Variants in IFIH1 observed in about 807,000 individuals in gnomAD.
IFIH1 encodes the protein interferon-induced helicase C domain-containing protein 1.
In IFIH1, 125 loss-of-function variants were observed where a neutral mutation model predicts 107.4. The ratio of observed to expected loss-of-function variants is 1.16; its 90% CI spans 1.01 to 1.35. IFIH1 has a LOEUF of 1.35. Ranked by LOEUF, IFIH1 falls within the 40% of genes most tolerant of loss-of-function variation. The pLI is 0.00. For missense variants in IFIH1, 1,333 were observed against 1,213.7 expected (o/e 1.10, Z -1.46); for synonymous variants, 458 against 413.2 (o/e 1.11, Z -1.31).
chr2:162,281,948 A>G (rs1682817365), intron 6 of IFIH1, among the ~76,000 whole-genome samples: 1 of 152,008 alleles, frequency 6.6e-6, no homozygotes, highest in Admixed American at 6.6e-5. Context: ...CTATTTAAAG[A>G]GGGAAAATTT....
chr2:162,307,079 G>C, intron 2 of IFIH1: 8 of 434,982 alleles, frequency 1.8e-5, no homozygotes, highest in Non-Finnish European at 3.3e-5. Flanking sequence ...ACAAAATGGA[G>C]AGCCCGCAAT....
At chr2:162,280,480 AT>A (rs1158012775) in intron 7 of IFIH1, among the ~76,000 whole-genome samples, 2 of 152,048 alleles carry the variant, frequency 1.3e-5, no homozygotes, top group African/African-American at 4.8e-5. Context: ...ACAGAGAATG[AT>A]TTTGAGATAA....
rs1576227064 is a variant in IFIH1, at chr2:162,282,370, C to T, written c.1302G>A (p.Leu434=). The T allele has an allele frequency of 6.2e-7, 1 of 1,603,884 alleles. No individual in the cohort carries two copies. The highest frequency in any genetic ancestry group is 8.5e-7 in the Non-Finnish European group (1 of 1,172,782). The change falls in exon 6 of 16, where the codon TTG becomes TTA. Residue 434 remains leucine, a synonymous_variant. Transcript: ENST00000649979. ...LENGEDAGVQ[L]SDFSLIIIDE... is the part of the protein sequence containing the mutation. ...AAAATAAACACTTAAACTGACCTGA[C>T]AATTGAACACCAGCATCTTCTCCAT...
rs184259770 is a variant in IFIH1 at position 162,273,828 on chromosome 2, A to C, written c.2421T>G (p.Tyr807Ter). 8 of 1,607,976 alleles carry C rather than the reference A, an allele frequency of 5.0e-6. No homozygotes were observed. In the East Asian group the frequency reaches 1.8e-4, roughly 36 times the overall value. The change falls in exon 12 of 16, where the codon TAT (tyrosine) becomes TAG (stop). Residue 807 changes from tyrosine (Y) to a stop codon, truncating the protein, a stop_gained. Transcript: ENST00000649979. LOFTEE classifies it high-confidence loss of function. ...TGGCTATTTCATTGGTGACGAGACC[A>C]TAACGGATAACAATGTTACATTCTT... Reference protein sequence around the residue: ...DIKECNIVIRYGLVTNEIAMV... With the variant: ...DIKECNIVIR
chr2:162,274,590 A>G (rs1691115026), intron 11 of IFIH1, among the ~76,000 whole-genome samples: 1 of 152,182 alleles, frequency 6.6e-6, no homozygotes, highest in Admixed American at 6.6e-5. Context: ...GACAATATAA[A>G]TAAAAATGAA....
chr2:162,293,581 G>C lies in IFIH1; in HGVS notation c.857C>G (p.Thr286Ser). 6.2e-7 allele frequency: 1 copy of C among 1,609,464 alleles called. No homozygotes were observed. The highest frequency in any genetic ancestry group is 8.5e-7 in the Non-Finnish European group (1 of 1,176,544). The change falls in exon 4 of 16, where the codon ACC becomes AGC. Residue 286 changes from threonine (T) to serine (S), a missense_variant. Thr to Ser is a moderately conservative substitution (Grantham distance 58). Coordinates refer to ENST00000649979, the MANE Select transcript of IFIH1 (RefSeq NM_022168.4). ...HNSNMGSDSG[T>S]MGSDSDEENV... ...GGCAGTACCTGAATCACTTCCCATG[G>C]TGCCTGAATCACTGCCCATGTTGCT...
intron 8 of IFIH1, 61 bp from the exon 9 acceptor site, chr2:162,278,389 T>C: frequency 1.2e-6 from 1 of 866,540 alleles, no homozygotes; most frequent in Non-Finnish European, 1.7e-6. Flanking sequence ...TAACATTATC[T>C]TTGTTAGAAT....
At chr2:162,287,946 T>C (rs1406741860) in intron 5 of IFIH1, among the ~76,000 whole-genome samples, 189 bp downstream of exon 5, 1 of 151,994 alleles carries the variant, frequency 6.6e-6, no homozygotes, top group Non-Finnish European at 1.5e-5. Context: ...GAAAAATTTC[T>C]ATTTTCAGGT....
At chr2:162,302,894 A>G (rs151207259) in intron 3 of IFIH1, among the ~76,000 whole-genome samples, 1 of 152,210 alleles carries the variant, frequency 6.6e-6, no homozygotes, top group Non-Finnish European at 1.5e-5. Context: ...TCCAGATATC[A>G]TAAAGAACCT....
intron 3 of IFIH1, among the ~76,000 whole-genome samples, chr2:162,297,087 T>C (rs181148487): frequency 6.6e-6 from 1 of 152,170 alleles, no homozygotes; most frequent in Admixed American, 6.6e-5. Flanking sequence ...TTTCTTATAA[T>C]AGGGAGAATG....
At chr2:162,292,240 A>G (rs929356201) in intron 4 of IFIH1, among the ~76,000 whole-genome samples, 2 of 151,922 alleles carry the variant, frequency 1.3e-5, no homozygotes, top group African/African-American at 4.8e-5. Context: ...GTTCTAGCAT[A>G]GCATGTAATA....
chr2:162,277,412 TACCAAAA>T lies in IFIH1; in HGVS notation c.2040_2044+2del. ...CACCAGTATATGTTACTTTGAATCTTACCAAAAAATAAAGTCATGAGAAATCTATCTG... is the reference window on the plus strand; with the variant it reads ...CACCAGTATATGTTACTTTGAATCTTAATAAAGTCATGAGAAATCTATCTG... On this transcript the variant is annotated splice_donor_variant and coding_sequence_variant, in exon 10 of 16. Coordinates refer to ENST00000649979, the MANE Select transcript of IFIH1 (RefSeq NM_022168.4). LOFTEE classifies it high-confidence loss of function. 6.2e-7 allele frequency: 1 copy of T among 1,601,478 alleles called. No individual in the cohort carries two copies. Among genetic ancestry groups the T allele is most frequent in the Non-Finnish European group, 8.5e-7 (1 of 1,170,388 alleles).
At chr2:162,291,256 T>G (rs1291453271) in intron 4 of IFIH1, among the ~76,000 whole-genome samples, 1 of 151,874 alleles carries the variant, frequency 6.6e-6, no homozygotes, top group Non-Finnish European at 1.5e-5. Flanking sequence ...CACATTGATT[T>G]TGACAGCTGA....
At chr2:162,288,917 G>GCACA (rs3051152) in intron 4 of IFIH1, among the ~76,000 whole-genome samples, 11,747 of 135,290 alleles carry the variant, frequency 0.087, 480 homozygotes, top group African/African-American at 0.095. Context: ...ATACCAAAAA[G>GCACA]CACACACACA....
chr2:162,317,856 C>G lies in IFIH1; in HGVS notation c.452G>C (p.Arg151Pro). Residue 151 changes from arginine to proline, a missense_variant and splice_region_variant, in exon 1 of 16, where the codon CGG (arginine) becomes CCG (proline). By Grantham distance (103) the Arg-to-Pro change is moderately radical (BLOSUM62 -2). Coordinates refer to ENST00000649979, the MANE Select transcript of IFIH1 (RefSeq NM_022168.4). The part of the protein sequence containing the change: ...EELLTIEDRN[R>P]IAAAENNGNE... Reference sequence around the variant, plus strand: ...AGCTCCATCTGAACAGACACCTACCCGGTTTCTGTCTTCAATTGTCAACAG... The same window carrying G: ...AGCTCCATCTGAACAGACACCTACCGGGTTTCTGTCTTCAATTGTCAACAG... The G allele has an allele frequency of 1.3e-6, 2 of 1,567,846 alleles. No homozygotes were observed. Among genetic ancestry groups the G allele is most frequent in the Non-Finnish European group, 1.7e-6 (2 of 1,158,238 alleles).
intron 13 of IFIH1, among the ~76,000 whole-genome samples, chr2:162,270,553 G>A (rs1173396581): frequency 6.6e-6 from 1 of 152,124 alleles, no homozygotes; most frequent in Non-Finnish European, 1.5e-5. Flanking sequence ...AGTTTTAGGA[G>A]GGCAGGTTTC....
At chr2:162,313,249 T>C (rs1683412032) in intron 1 of IFIH1, among the ~76,000 whole-genome samples, 2 of 152,190 alleles carry the variant, frequency 1.3e-5, no homozygotes, top group Admixed American at 1.3e-4. Context: ...CCTAAAACAT[T>C]GTAAAGATAT....
rs2287293 is a variant in IFIH1 at position 162,280,217 on chromosome 2, G to C, written c.1525-105C>G. ...AAAAAATATGTAGCATTAAATTGTA[G>C]CATAAATATGTGGTATAAAATTTCA... On this transcript the variant is annotated intron_variant, in intron 7 of 15. Coordinates refer to ENST00000649979, the MANE Select transcript of IFIH1 (RefSeq NM_022168.4). 42,962 of 669,300 alleles carry C rather than the reference G, an allele frequency of 0.064. 5,105 individuals are homozygous for C. The highest frequency in any genetic ancestry group is 0.32 in the African/African-American group (17,642 of 55,052). The allele number at this position is 669,300 out of a possible 1,614,324, so 41.5% of individuals were successfully genotyped here. A position where few individuals can be genotyped will look rare whatever the true frequency, so the allele number is the denominator to read the frequency against.
At chr2:162,282,783 G>A (rs918497013) in intron 5 of IFIH1, among the ~76,000 whole-genome samples, 3 of 151,814 alleles carry the variant, frequency 2.0e-5, no homozygotes, top group African/African-American at 7.3e-5. Flanking sequence ...TTATGTCTGG[G>A]ACACAAAGAT....
Sources: allele counts gnomAD v4.1 joint callset (sites outside exome capture counted in the v4.1 genomes callset), GRCh38; gene constraint gnomAD v4.1.1; transcripts MANE v1.5; gene names NCBI Gene and HGNC (gene_info 2026-07-23, HGNC 2026-07-21).